The following KPNA1 variants were observed in gnomAD, a reference collection of about 807,000 sequenced individuals.
KPNA1 encodes the protein importin subunit alpha-5.
KPNA1 carries 10 observed loss-of-function variants against 70.5 expected under a neutral mutation model. The observed-to-expected ratio is 0.14, with a 90% confidence interval of 0.09 to 0.24. The LOEUF (loss-of-function observed/expected upper bound fraction) is 0.24. KPNA1 is among the 10% of genes least tolerant of loss of function. KPNA1 has a pLI of 1.00. For missense variants in KPNA1, 397 were observed against 637.9 expected, an observed-to-expected ratio of 0.62 and a Z score of 4.07; for synonymous variants, 192 against 221.9, an observed-to-expected ratio of 0.87 and a Z score of 1.20.
chr3:122,480,858 G>A (rs938534414), intron 2 of KPNA1, among the ~76,000 whole-genome samples: 3 of 152,006 alleles, frequency 2.0e-5, no homozygotes, highest in Non-Finnish European at 2.9e-5. Context: ...GCATGGTGGC[G>A]TGTGCCTGTA....
intron 2 of KPNA1, among the ~76,000 whole-genome samples, chr3:122,485,860 ACT>A (rs1342016756): frequency 6.6e-6 from 1 of 152,224 alleles, no homozygotes; most frequent in Admixed American, 6.5e-5. Context: ...TTAAAAATAA[ACT>A]TTTTTAAAAA....
intron 8 of KPNA1, among the ~76,000 whole-genome samples, chr3:122,451,144 GAAAA>G (rs370928184): frequency 1.4e-5 from 2 of 142,050 alleles, no homozygotes; most frequent in Non-Finnish European, 3.1e-5. Context: ...AAACCTATTG[GAAAA>G]AAAAAAAGAA....
intron 10 of KPNA1, among the ~76,000 whole-genome samples, chr3:122,440,087 A>T (rs2076043186): frequency 6.6e-6 from 1 of 152,224 alleles, no homozygotes; most frequent in Non-Finnish European, 1.5e-5. Flanking sequence ...TGCATTCAAT[A>T]AATATTCTTT....
chr3:122,433,695 T>G lies in KPNA1; in HGVS notation c.1216A>C (p.Asn406His). 1 of 1,612,640 alleles carries G rather than the reference T, an allele frequency of 6.2e-7. No individual in the cohort carries two copies. Among genetic ancestry groups the G allele is most frequent in the Non-Finnish European group, 8.5e-7 (1 of 1,179,590 alleles). Reference sequence around the variant, plus strand: ...TCAGCTGATCCTCCAGAAGTTGCATTTGTGATGGCCCAAGCTGCTTCTTTT... The same window carrying G: ...TCAGCTGATCCTCCAGAAGTTGCATGTGTGATGGCCCAAGCTGCTTCTTTT... ...TRKEAAWAIT[N>H]ATSGGSAEQI... Residue 406 changes from asparagine to histidine, a missense_variant, in exon 12 of 14, where the codon AAT (asparagine) becomes CAT (histidine). By Grantham distance (68) the Asn-to-His change is moderately conservative. Coordinates refer to ENST00000344337, the MANE Select transcript of KPNA1 (RefSeq NM_002264.4).
At chr3:122,494,129 T>C (rs2107495913) in intron 2 of KPNA1, among the ~76,000 whole-genome samples, 1 of 152,324 alleles carries the variant, frequency 6.6e-6, no homozygotes, top group South Asian at 2.1e-4. Context: ...TTGCTTTTGC[T>C]GTGCAAAAGC....
chr3:122,434,130 C>A (rs774935516), intron 11 of KPNA1, among the ~76,000 whole-genome samples: 1 of 151,990 alleles, frequency 6.6e-6, no homozygotes, highest in Non-Finnish European at 1.5e-5. Flanking sequence ...AGAGACAGGG[C>A]TTCACCATGT....
intron 5 of KPNA1, among the ~76,000 whole-genome samples, chr3:122,455,336 A>C (rs2076252725): frequency 1.3e-5 from 2 of 152,214 alleles, no homozygotes; most frequent in South Asian, 4.1e-4. Context: ...TAGTAGCAGC[A>C]GGGAGGCCCA....
At chr3:122,435,558 C>T (rs889715762) in intron 11 of KPNA1, among the ~76,000 whole-genome samples, 10 of 152,168 alleles carry the variant, frequency 6.6e-5, no homozygotes, top group African/African-American at 2.4e-4. Flanking sequence ...AAATACAAGA[C>T]ATTATTTGTT....
At chr3:122,512,393 CT>C (rs2076964527) in intron 1 of KPNA1, among the ~76,000 whole-genome samples, 1 of 152,166 alleles carries the variant, frequency 6.6e-6, no homozygotes, top group Non-Finnish European at 1.5e-5. Flanking sequence ...AATCATAGTT[CT>C]GTGAAGAAAC....
intron 2 of KPNA1, among the ~76,000 whole-genome samples, chr3:122,472,027 A>G (rs374207574): frequency 1.6e-4 from 25 of 152,254 alleles, no homozygotes; most frequent in African/African-American, 6.0e-4. Flanking sequence ...TCTATCAGAA[A>G]CGGCCAGATC....
At position 122,463,917 on chromosome 3, in the gene KPNA1, T is replaced by A. The variant is rs186503263; in HGVS notation, c.337+25A>T. 1,935 of 1,319,536 alleles carry A rather than the reference T, an allele frequency of 1.5e-3. 16 individuals carry two copies. In the African/African-American group the frequency reaches 0.024, roughly 16 times the overall value. The allele number at this position is 1,319,536 out of a possible 1,614,324, so 81.7% of individuals were successfully genotyped here. A position where few individuals can be genotyped will look rare whatever the true frequency, so the allele number is the denominator to read the frequency against. On this transcript the variant is annotated intron_variant, in intron 4 of 13. Coordinates refer to ENST00000344337, the MANE Select transcript of KPNA1 (RefSeq NM_002264.4). Reference sequence around the variant, plus strand: ...GTAATTTTGTAGAGAGATGAAAAAATATACTGAACATATTCATAGCTCACC... The same window carrying A: ...GTAATTTTGTAGAGAGATGAAAAAAAATACTGAACATATTCATAGCTCACC...
chr3:122,504,331 A>AGG (rs1454548942), intron 1 of KPNA1, among the ~76,000 whole-genome samples: 1 of 152,174 alleles, frequency 6.6e-6, no homozygotes, highest in African/African-American at 2.4e-5. Flanking sequence ...ACATAGCAGA[A>AGG]GGGGCTAAGG....
intron 1 of KPNA1, among the ~76,000 whole-genome samples, chr3:122,502,586 G>T (rs1189650729): frequency 6.6e-6 from 1 of 152,170 alleles, no homozygotes; most frequent in Non-Finnish European, 1.5e-5. Context: ...GCAGTATTTT[G>T]TTATGGTAGC....
At chr3:122,490,142 A>C (rs1311192327) in intron 2 of KPNA1, among the ~76,000 whole-genome samples, 2 of 152,244 alleles carry the variant, frequency 1.3e-5, no homozygotes, top group African/African-American at 4.8e-5. Flanking sequence ...TGAATATCTG[A>C]GGAAAGCCTT....
intron 3 of KPNA1, among the ~76,000 whole-genome samples, chr3:122,464,504 G>T (rs1002255846): frequency 2.6e-5 from 4 of 152,090 alleles, no homozygotes; most frequent in African/African-American, 9.7e-5. Flanking sequence ...TTCCTTGTAA[G>T]CCCAAGACCC....
At chr3:122,433,634 AC>A in intron 12 of KPNA1, 26 bp downstream of exon 12, 1 of 1,559,862 alleles carries the variant, frequency 6.4e-7, no homozygotes, top group Non-Finnish European at 8.6e-7. Context: ...TCTTTAACTT[AC>A]AATATGCTGC....
At position 122,423,724 on chromosome 3, in the gene KPNA1, T is replaced by C. The variant is rs1045608515; in HGVS notation, c.*3261A>G. On this transcript the variant is annotated 3_prime_UTR_variant, in exon 14 of 14. Transcript: ENST00000344337. The stretch of plus-strand genomic sequence containing the variant: ...TTGACAAAGTTTGGTTTATAAAATA[T>C]ACTTACATATTGTTTCTTAGGCAAA... 6.6e-6 allele frequency: 1 copy of C among 152,626 alleles called. No individual in the cohort carries two copies. Among genetic ancestry groups the C allele is most frequent in the Admixed American group, 6.5e-5 (1 of 15,286 alleles). The allele number at this position is 152,626 out of a possible 1,614,324, so 9.5% of individuals were successfully genotyped here. A position where few individuals can be genotyped will look rare whatever the true frequency, so the allele number is the denominator to read the frequency against.
At chr3:122,438,376 G>A (rs1176624056) in intron 10 of KPNA1, among the ~76,000 whole-genome samples, 2 of 149,950 alleles carry the variant, frequency 1.3e-5, no homozygotes, top group Non-Finnish European at 3.0e-5. Flanking sequence ...CTCAGTCTTC[G>A]GTATTTCTTT....
intron 10 of KPNA1, among the ~76,000 whole-genome samples, chr3:122,438,399 T>TTG (rs1553782578): frequency 3.3e-5 from 5 of 151,784 alleles, no homozygotes; most frequent in African/African-American, 7.3e-5. Context: ...TGTTTTTTTT[T>TTG]TTTTGAGACA....
Sources: gnomAD v4.1 joint callset for allele counts (sites outside exome capture counted in the v4.1 genomes callset) on GRCh38, gnomAD v4.1.1 for gene constraint, MANE v1.5 for transcripts, NCBI Gene and HGNC (gene_info 2026-07-23, HGNC 2026-07-21) for gene names.